Variants in PXMP4 observed in about 807,000 individuals in gnomAD.
PXMP4 encodes peroxisomal membrane protein 4.
In PXMP4, 16 loss-of-function variants were observed where a neutral mutation model predicts 21.6. The ratio of observed to expected loss-of-function variants is 0.74; its 90% CI spans 0.50 to 1.13. The LOEUF (loss-of-function observed/expected upper bound fraction) is 1.13. PXMP4 is among the 50% of genes most tolerant of loss of function. PXMP4 has a pLI of 0.00. For missense variants in PXMP4, 240 were observed against 277.7 expected (o/e 0.86, Z 0.96); for synonymous variants, 127 against 123.8 (o/e 1.03, Z -0.17).
At chr20:33,716,032 C>T (rs1208734134) in intron 1 of PXMP4, among the ~76,000 whole-genome samples, 1 of 148,886 alleles carries the variant, frequency 6.7e-6, no homozygotes, top group East Asian at 2.0e-4. Context: ...TTAGTAGAGA[C>T]GAGGTTTCTC....
chr20:33,715,518 T>TGGGTTCAAGCAATTCTCC (rs2018373811), intron 1 of PXMP4, among the ~76,000 whole-genome samples: 2 of 148,218 alleles, frequency 1.3e-5, no homozygotes, highest in Admixed American at 1.3e-4. Flanking sequence ...CTCCACCTCC[T>TGGGTTCAAGCAATTCTCC]GGGTTCAAGC....
At position 33,720,102 on chromosome 20, in the gene PXMP4, CG is replaced by C. The variant is rs1043726772; in HGVS notation, c.105del (p.Asn35LysfsTer17). On this transcript the variant is annotated frameshift_variant, in exon 1 of 4. Transcript: ENST00000409299. LOFTEE classifies it high-confidence loss of function. ...AALAVLKGFRNGAVYGAKIRA... is the reference protein window; with the variant it reads ...AALAVLKGFRXGAVYGAKIRA... Reference sequence around the variant, plus strand: ...CCCGACGGCCCCACTCACACAGCCCCGTTCCGGAAGCCCTTAAGCACGGCCA... The same window carrying C: ...CCCGACGGCCCCACTCACACAGCCCCTTCCGGAAGCCCTTAAGCACGGCCA... 6.2e-7 allele frequency: 1 copy of C among 1,613,640 alleles called. No individual in the cohort carries two copies. Among genetic ancestry groups the C allele is most frequent in the South Asian group, 1.1e-5 (1 of 91,076 alleles).
At position 33,710,630 on chromosome 20, in the gene PXMP4, G is replaced by C; in HGVS notation, c.300C>G (p.Tyr100Ter). The C allele has an allele frequency of 6.2e-7, 1 of 1,613,990 alleles. No individual in the cohort carries two copies. Among genetic ancestry groups the C allele is most frequent in the South Asian group, 1.1e-5 (1 of 91,074 alleles). Residue 100 changes from tyrosine to a stop codon, truncating the protein, a stop_gained, in exon 3 of 4, where the codon TAC (tyrosine) becomes TAG (stop). Transcript: ENST00000409299. LOFTEE classifies it high-confidence loss of function. ...AGGCCGCCAGGAATGCGTGTGCTGG[G>C]TAGGTCTTGCCTTGTATGTAGGACT... The part of the protein sequence containing the change: ...ALQSYIQGKT[Y>*]PAHAFLAAFL...
intron 2 of PXMP4, among the ~76,000 whole-genome samples, chr20:33,713,134 A>C (rs1203384669): frequency 6.6e-6 from 1 of 152,220 alleles, no homozygotes; most frequent in East Asian, 1.9e-4. Context: ...TCAAAATCTT[A>C]CAACAATTTC....
Position 33,707,761 on chromosome 20 carries a change from A to C in PXMP4, c.584T>G (p.Val195Gly), listed in dbSNP as rs2018274602. 6.2e-7 allele frequency: 1 copy of C among 1,614,148 alleles called. No individual in the cohort carries two copies. Among genetic ancestry groups the C allele is most frequent in the South Asian group, 1.1e-5 (1 of 91,076 alleles). Residue 195 changes from valine (V) to glycine (G), a missense_variant, in exon 4 of 4, where the codon GTA becomes GGA. Physicochemically the swap from Val to Gly is moderately radical, Grantham distance 109 (BLOSUM62 -3). Transcript: ENST00000409299. The stretch of plus-strand genomic sequence containing the variant: ...GAGGAAGTCTGAGATGTCGTGCCAT[A>C]CATTGCTGTCCTCATAGAGGTAGGT... ...SMTYLYEDSNVWHDISDFLVY... is the reference protein window; with the variant it reads ...SMTYLYEDSNGWHDISDFLVY...
intron 3 of PXMP4, among the ~76,000 whole-genome samples, chr20:33,709,369 C>T (rs2018297448): frequency 6.6e-6 from 1 of 152,104 alleles, no homozygotes; most frequent in African/African-American, 2.4e-5. Flanking sequence ...ATAACAAAAG[C>T]GAAGTTTAAC....
rs1439713672 is a variant in PXMP4 at position 33,707,308 on chromosome 20, T to A, written c.*398A>T. 5.9e-6 allele frequency: 1 copy of A among 170,860 alleles called. No individual in the cohort carries two copies. Among genetic ancestry groups the A allele is most frequent in the Non-Finnish European group, 1.3e-5 (1 of 79,426 alleles). The allele number at this position is 170,860 out of a possible 1,614,324, so 10.6% of individuals were successfully genotyped here. ...CTGAGATAAGGAACTTAGTGTTTTT[T>A]AAAAAGTATTTACAACCCACTGCCC... On this transcript the variant is annotated 3_prime_UTR_variant, in exon 4 of 4. Coordinates refer to ENST00000409299, the MANE Select transcript of PXMP4 (RefSeq NM_007238.5).
intron 3 of PXMP4, among the ~76,000 whole-genome samples, chr20:33,709,968 A>T (rs1475918446): frequency 7.1e-6 from 1 of 141,294 alleles, no homozygotes; most frequent in Non-Finnish European, 1.5e-5. Flanking sequence ...TCCTACCTCT[A>T]TACAGAACCA....
intron 2 of PXMP4, among the ~76,000 whole-genome samples, chr20:33,712,658 T>C (rs1421249121): frequency 6.6e-6 from 1 of 152,162 alleles, no homozygotes; most frequent in Non-Finnish European, 1.5e-5. Context: ...AGACGGAGTC[T>C]CACTCTGTGT....
intron 1 of PXMP4, 132 bp downstream of exon 1, chr20:33,719,963 A>T: frequency 1.2e-6 from 1 of 821,100 alleles, no homozygotes; most frequent in Non-Finnish European, 1.9e-6. Context: ...ACAGATGGTG[A>T]CCTCCGAGAC....
Position 33,714,702 on chromosome 20 carries a change from C to A in PXMP4, c.148G>T (p.Val50Phe), listed in dbSNP as rs776339559. Residue 50 changes from valine to phenylalanine, a missense_variant, in exon 2 of 4, where the codon GTC (valine) becomes TTC (phenylalanine). Val to Phe is a conservative substitution (Grantham distance 50). Coordinates refer to ENST00000409299, the MANE Select transcript of PXMP4 (RefSeq NM_007238.5). ...GAKIRAPHAL[V>F]MTFLFRNGSL... ...CCATTCCGGAAGAGAAAGGTCATGA[C>A]CAGCGCGTGAGGGGCCCGGATTTTG... The A allele has an allele frequency of 1.2e-6, 2 of 1,614,060 alleles. No homozygotes were observed. The highest frequency in any genetic ancestry group is 1.7e-6 in the Non-Finnish European group (2 of 1,179,980).
In PXMP4 at chr20:33,720,245, A is replaced by G. The variant is rs2048023040; in HGVS notation, c.-38T>C. ...GCGCAGGGTCGGGGTTAGGAACTGT[A>G]AGCGCACTGACAGCCGGAGGTTCCA... On this transcript the variant is annotated 5_prime_UTR_variant, in exon 1 of 4. Coordinates refer to ENST00000409299, the MANE Select transcript of PXMP4 (RefSeq NM_007238.5). 1.9e-6 allele frequency: 3 copies of G among 1,557,188 alleles called. No homozygotes were observed. Among genetic ancestry groups the G allele is most frequent in the African/African-American group, 1.4e-5 (1 of 73,398 alleles).
chr20:33,715,585 C>A lies in PXMP4; in HGVS notation c.114-849G>T, dbSNP rs545754670. On this transcript the variant is annotated intron_variant, in intron 1 of 3. Transcript: ENST00000409299. ...GGATTACAGGCACGTGCCACCATGCCTGGCTAATTTTTGTATTTTTAGTAT... is the reference window on the plus strand; with the variant it reads ...GGATTACAGGCACGTGCCACCATGCATGGCTAATTTTTGTATTTTTAGTAT... Among the ~76,000 whole-genome samples, 5 of 151,982 alleles carry A rather than the reference C, an allele frequency of 3.3e-5. No individual in the cohort carries two copies. In the East Asian group the frequency reaches 9.7e-4, roughly 30 times the overall value.
At chr20:33,714,027 C>T (rs997204084) in intron 2 of PXMP4, among the ~76,000 whole-genome samples, 20 of 152,060 alleles carry the variant, frequency 1.3e-4, no homozygotes, top group East Asian at 3.9e-4. Context: ...GCACTCCTGG[C>T]GGGGGTGCTG....
intron 1 of PXMP4, among the ~76,000 whole-genome samples, chr20:33,717,164 T>C: frequency 6.6e-6 from 1 of 151,496 alleles, no homozygotes; most frequent in African/African-American, 2.4e-5. Flanking sequence ...GGCAGCAGAC[T>C]AAGACTCTGT....
At chr20:33,719,958 T>C in intron 1 of PXMP4, 137 bp downstream of exon 1, 1 of 796,530 alleles carries the variant, frequency 1.3e-6, no homozygotes, top group Non-Finnish European at 2.0e-6. Context: ...ATTGCACAGA[T>C]GGTGACCTCC....
chr20:33,709,388 AG>A (rs1216646747), intron 3 of PXMP4, among the ~76,000 whole-genome samples: 2 of 152,208 alleles, frequency 1.3e-5, no homozygotes, highest in African/African-American at 4.8e-5. Context: ...ACCCAGAAAA[AG>A]GACAAGTCAC....
intron 1 of PXMP4, among the ~76,000 whole-genome samples, chr20:33,718,510 C>T (rs1479000963): frequency 1.8e-5 from 1 of 54,798 alleles, no homozygotes; most frequent in Non-Finnish European, 3.3e-5. Context: ...CACTCCATCT[C>T]AAAAAAAAAA....
At chr20:33,710,386 A>T in intron 3 of PXMP4, among the ~76,000 whole-genome samples, 169 bp downstream of exon 3, 1 of 75,676 alleles carries the variant, frequency 1.3e-5, no homozygotes, top group African/African-American at 5.2e-5. Context: ...CTCTTCCCCA[A>T]CCCCCTCCTC....
Sources: gnomAD v4.1 joint callset for allele counts (sites outside exome capture counted in the v4.1 genomes callset) on GRCh38, gnomAD v4.1.1 for gene constraint, MANE v1.5 for transcripts, NCBI Gene and HGNC (gene_info 2026-07-23, HGNC 2026-07-21) for gene names.